Variants in SGK1 observed in about 807,000 individuals in gnomAD.
SGK1 encodes serum/glucocorticoid regulated kinase 1.
SGK1 carries 26 observed loss-of-function variants against 64.2 expected under a neutral mutation model. That is an observed-to-expected ratio of 0.40 (90% CI 0.30 to 0.56). The LOEUF is 0.56. Among genes scored for constraint, SGK1 ranks in the 20% least tolerant of loss-of-function variants. The probability of loss-of-function intolerance (pLI) is 0.38; values close to 1 mark genes in which losing one functional copy is unlikely to be tolerated. For synonymous variants in SGK1, 265 were observed against 239.7 expected, an observed-to-expected ratio of 1.11 and a Z score of -0.98; for missense variants, 519 against 645.6, an observed-to-expected ratio of 0.80 and a Z score of 2.12.
intron 1 of SGK1, among the ~76,000 whole-genome samples, chr6:134,316,520 C>T (rs1777686981): frequency 6.6e-6 from 1 of 151,942 alleles, no homozygotes; most frequent in Non-Finnish European, 1.5e-5. Context: ...TTACCTCCCG[C>T]TTGTGTATAA....
Position 134,170,287 on chromosome 6 carries a change from G to T in SGK1, c.1562C>A (p.Pro521His). 1 of 1,613,220 alleles carries T rather than the reference G, an allele frequency of 6.2e-7. No homozygotes were observed. The highest frequency in any genetic ancestry group is 1.7e-4 in the Middle Eastern group (1 of 6,052). Residue 521 changes from proline to histidine, a missense_variant, in exon 14 of 14, where the codon CCC becomes CAC. Coordinates refer to ENST00000367858, the MANE Select transcript of SGK1 (RefSeq NM_001143676.3). ...EAFLGFSYAPPTDSFL is the reference protein window; with the variant it reads ...EAFLGFSYAPHTDSFL Reference sequence around the variant, plus strand: ...CAGGGTTCAGAGGAAAGAGTCCGTGGGAGGCGCATAGGAAAAGCCTAGGAA... The same window carrying T: ...CAGGGTTCAGAGGAAAGAGTCCGTGTGAGGCGCATAGGAAAAGCCTAGGAA...
chr6:134,274,785 T>C (rs75127917), intron 1 of SGK1, among the ~76,000 whole-genome samples: 1 of 148,314 alleles, frequency 6.7e-6, no homozygotes, highest in Non-Finnish European at 1.5e-5. Context: ...ATTGCCCTTT[T>C]AGTCTTTTCT....
intron 1 of SGK1, among the ~76,000 whole-genome samples, chr6:134,277,417 A>G (rs1214030303): frequency 2.0e-5 from 3 of 152,214 alleles, no homozygotes; most frequent in Non-Finnish European, 2.9e-5. Flanking sequence ...AACATTTTTA[A>G]ATTTTATTTT....
intron 2 of SGK1, among the ~76,000 whole-genome samples, chr6:134,212,005 T>C (rs1432372126): frequency 6.6e-6 from 1 of 152,034 alleles, no homozygotes; most frequent in Non-Finnish European, 1.5e-5. Context: ...ACAGGTTGAA[T>C]TGAAATCTGG....
At chr6:134,260,154 A>G (rs1776741560) in intron 2 of SGK1, 1 of 151,788 alleles carries the variant, frequency 6.6e-6, no homozygotes, top group Admixed American at 6.6e-5. Flanking sequence ...CAGCCTGGTC[A>G]GTATGACAAC....
intron 3 of SGK1, among the ~76,000 whole-genome samples, chr6:134,178,069 C>A (rs916350884): frequency 2.0e-5 from 3 of 152,170 alleles, no homozygotes; most frequent in African/African-American, 7.2e-5. Flanking sequence ...ATTCAAAACA[C>A]ATGCACAGGA....
chr6:134,285,239 G>A (rs1777163628), intron 1 of SGK1, among the ~76,000 whole-genome samples: 1 of 152,044 alleles, frequency 6.6e-6, no homozygotes, highest in Non-Finnish European at 1.5e-5. Flanking sequence ...TGGGCAGATT[G>A]CCTGAGGTCG....
intron 1 of SGK1, among the ~76,000 whole-genome samples, chr6:134,289,174 T>G (rs556808313): frequency 4.5e-4 from 69 of 152,208 alleles, no homozygotes; most frequent in Non-Finnish European, 8.1e-4. Flanking sequence ...TTAGCCTTCA[T>G]AGGGGCTGGA....
chr6:134,224,788 C>T (rs964933144), intron 2 of SGK1, among the ~76,000 whole-genome samples: 7 of 151,814 alleles, frequency 4.6e-5, no homozygotes, highest in Admixed American at 6.6e-5. Context: ...TTTGGCAGGT[C>T]GAGGCAGGTG....
In SGK1 at chr6:134,206,286, C is replaced by T. The variant is rs372921629; in HGVS notation, c.361+1070G>A. On this transcript the variant is annotated intron_variant, in intron 3 of 13. Coordinates refer to ENST00000367858, the MANE Select transcript of SGK1 (RefSeq NM_001143676.3). ...TACTCCAGCAAATAGACTCATTCCT[C>T]ATTCCTCCCAACACTTAAATATGCT... 6.3e-5 allele frequency among the ~76,000 whole-genome samples: 9 copies of T among 143,358 alleles called. No individual in the cohort carries two copies. In the South Asian group the frequency reaches 1.1e-3, roughly 18 times the overall value. 94.0% of individuals were successfully genotyped at this position (143,358 alleles called of 152,430 possible).
At chr6:134,201,227 A>AT (rs559649226) in intron 3 of SGK1, among the ~76,000 whole-genome samples, 70 of 149,530 alleles carry the variant, frequency 4.7e-4, no homozygotes, top group African/African-American at 1.7e-3. Flanking sequence ...TGCCCAGCTA[A>AT]TTTTTTGTAT....
At chr6:134,174,964 C>T in intron 3 of SGK1, 1 of 1,376,412 alleles carries the variant, frequency 7.3e-7, no homozygotes, top group South Asian at 1.5e-5. Context: ...TCGCCCCTCG[C>T]CCCGCCCCGG....
intron 3 of SGK1, among the ~76,000 whole-genome samples, chr6:134,192,720 C>A (rs549422774): frequency 6.6e-6 from 1 of 152,076 alleles, no homozygotes; most frequent in Non-Finnish European, 1.5e-5. Context: ...CAGGCATGCA[C>A]CACCATGCCT....
chr6:134,308,649 C>T (rs961131885), intron 1 of SGK1, among the ~76,000 whole-genome samples: 3 of 152,070 alleles, frequency 2.0e-5, no homozygotes, highest in Non-Finnish European at 4.4e-5. Flanking sequence ...CTCCACCCCC[C>T]GGGTTCAAGT....
chr6:134,172,807 G>A (rs1775074978), intron 8 of SGK1, 33 bp from the exon 9 acceptor site: 11 of 1,494,864 alleles, frequency 7.4e-6, no homozygotes, highest in African/African-American at 2.8e-5. Flanking sequence ...ATTCTGGGTT[G>A]CAAATGAATT....
chr6:134,215,136 T>TTC (rs768387878), intron 2 of SGK1: 13 of 344,814 alleles, frequency 3.8e-5, no homozygotes, highest in South Asian at 5.8e-5. Flanking sequence ...CTTTCTTTCT[T>TTC]TTTTTTTTTT....
intron 2 of SGK1, among the ~76,000 whole-genome samples, chr6:134,215,646 C>T (rs1473393194): frequency 1.3e-4 from 19 of 151,452 alleles, no homozygotes; most frequent in African/African-American, 4.4e-4. Context: ...TGTGGGAGGC[C>T]GAGGTGGGCG....
chr6:134,194,045 C>T (rs1321158973), intron 3 of SGK1, among the ~76,000 whole-genome samples: 2 of 151,784 alleles, frequency 1.3e-5, no homozygotes, highest in Non-Finnish European at 2.9e-5. Context: ...AACGTGAACA[C>T]GCCAATGAAC....
chr6:134,222,428 C>G (rs138122367), intron 2 of SGK1, among the ~76,000 whole-genome samples: 12,465 of 151,796 alleles, frequency 0.082, 815 homozygotes, highest in East Asian at 0.24. Flanking sequence ...CTCTGCCTCC[C>G]AGGTTCAAGC....
Sources: allele counts gnomAD v4.1 joint callset (sites outside exome capture counted in the v4.1 genomes callset), GRCh38; gene constraint gnomAD v4.1.1; transcripts MANE v1.5; gene names NCBI Gene and HGNC (gene_info 2026-07-23, HGNC 2026-07-21).